Variants in SPIDR observed in about 807,000 individuals in gnomAD.
The protein encoded by SPIDR is DNA repair-scaffolding protein.
In SPIDR, 93 loss-of-function variants were observed where a neutral mutation model predicts 104.6. The ratio of observed to expected loss-of-function variants is 0.89; its 90% CI spans 0.75 to 1.06. The LOEUF (loss-of-function observed/expected upper bound fraction) is 1.06. Ranked by LOEUF, SPIDR falls within the 50% of genes least tolerant of loss-of-function variation. The pLI is 0.00. For synonymous variants in SPIDR, 431 were observed against 416.9 expected (o/e 1.03, Z -0.41); for missense variants, 1,154 against 1,111.2 (o/e 1.04, Z -0.55).
At chr8:47,313,690 G>C (rs965727523) in intron 5 of SPIDR, among the ~76,000 whole-genome samples, 1 of 152,198 alleles carries the variant, frequency 6.6e-6, no homozygotes, top group Non-Finnish European at 1.5e-5. Context: ...AACCAAAACT[G>C]CATGGTACTG....
In SPIDR at chr8:47,735,449, A is replaced by G; in HGVS notation, c.2747A>G (p.Ter916TrpextTer7). 1.9e-6 allele frequency: 3 copies of G among 1,614,140 alleles called. No individual in the cohort carries two copies. Among genetic ancestry groups the G allele is most frequent in the Non-Finnish European group, 2.5e-6 (3 of 1,180,028 alleles). Reference protein sequence around the residue: ...LSAGGASAEH* With the variant: ...LSAGGASAEHW ...GCAGGAGGGGCCTCTGCAGAACACTAGCGGTTGCCGCAGGATCTGTGAACT... is the reference window on the plus strand; with the variant it reads ...GCAGGAGGGGCCTCTGCAGAACACTGGCGGTTGCCGCAGGATCTGTGAACT... Residue 916 changes from the stop codon to tryptophan, a stop_lost, in exon 20 of 20, where the codon TAG becomes TGG. Coordinates refer to ENST00000297423, the MANE Select transcript of SPIDR (RefSeq NM_001080394.4).
chr8:47,672,693 A>C (rs909177496), intron 10 of SPIDR, among the ~76,000 whole-genome samples: 4 of 152,100 alleles, frequency 2.6e-5, no homozygotes, highest in African/African-American at 9.7e-5. Flanking sequence ...TATATTTTCT[A>C]TTCATTAATT....
chr8:47,373,410 G>T (rs1311763773), intron 5 of SPIDR, among the ~76,000 whole-genome samples: 1 of 152,106 alleles, frequency 6.6e-6, no homozygotes, highest in African/African-American at 2.4e-5. Flanking sequence ...GTGGTGTTTG[G>T]CAATTTGAGG....
chr8:47,468,564 T>C (rs1554719011), intron 8 of SPIDR, among the ~76,000 whole-genome samples: 1 of 152,132 alleles, frequency 6.6e-6, no homozygotes, highest in African/African-American at 2.4e-5. Flanking sequence ...CCTACAGTCA[T>C]CTGATCCTTG....
chr8:47,499,423 C>T (rs2079994421), intron 8 of SPIDR, among the ~76,000 whole-genome samples: 2 of 152,102 alleles, frequency 1.3e-5, no homozygotes, highest in South Asian at 2.1e-4. Context: ...GTCAAGCAGA[C>T]TTGAATCCCT....
intron 8 of SPIDR, among the ~76,000 whole-genome samples, chr8:47,525,732 C>T (rs937678074): frequency 1.3e-5 from 2 of 150,600 alleles, no homozygotes; most frequent in African/African-American, 4.9e-5. Context: ...GCCCAGAAGC[C>T]ACTGCACTCC....
chr8:47,728,899 GGGCCTTGT>G (rs757350373), intron 17 of SPIDR, 26 bp from the exon 18 acceptor site: 2 of 1,585,872 alleles, frequency 1.3e-6, no homozygotes, highest in Non-Finnish European at 1.7e-6. Context: ...GTGCCTCCCG[GGGCCTTGT>G]CTTTCCTTGG....
intron 5 of SPIDR, among the ~76,000 whole-genome samples, chr8:47,353,943 T>C (rs782455444): frequency 6.6e-6 from 1 of 152,258 alleles, no homozygotes; most frequent in East Asian, 1.9e-4. Flanking sequence ...ATTAATACTT[T>C]TGTTTTTTTC....
At chr8:47,279,781 A>G in intron 1 of SPIDR, 81 bp from the exon 2 acceptor site, 1 of 1,387,726 alleles carries the variant, frequency 7.2e-7, no homozygotes, top group Non-Finnish European at 9.9e-7. Flanking sequence ...TTCAGATTGT[A>G]AATTGTGAAC....
intron 6 of SPIDR, among the ~76,000 whole-genome samples, chr8:47,400,393 A>G (rs566706797): frequency 6.6e-6 from 1 of 152,342 alleles, no homozygotes; most frequent in South Asian, 2.1e-4. Context: ...AAATACTAAA[A>G]ATGAGATTGA....
chr8:47,485,820 C>A (rs1586521051), intron 8 of SPIDR, among the ~76,000 whole-genome samples: 1 of 152,226 alleles, frequency 6.6e-6, no homozygotes, highest in East Asian at 1.9e-4. Context: ...TAACAAACAG[C>A]AAGGACATCC....
intron 8 of SPIDR, among the ~76,000 whole-genome samples, chr8:47,567,222 TATA>T (rs2057971620): frequency 6.7e-6 from 1 of 148,944 alleles, no homozygotes; most frequent in African/African-American, 2.5e-5. Flanking sequence ...TATATATATA[TATA>T]TATTTTTTTT....
intron 8 of SPIDR, chr8:47,510,993 G>T: frequency 1.5e-6 from 1 of 687,116 alleles, no homozygotes; most frequent in Non-Finnish European, 2.7e-6. Flanking sequence ...CACTGGCTGT[G>T]AGAAACACAG....
chr8:47,549,878 C>T (rs1288201307), intron 8 of SPIDR, among the ~76,000 whole-genome samples: 1 of 152,108 alleles, frequency 6.6e-6, no homozygotes, highest in Non-Finnish European at 1.5e-5. Context: ...AGGTTTTCTT[C>T]TAGGGTTTTT....
intron 8 of SPIDR, among the ~76,000 whole-genome samples, chr8:47,593,692 C>T (rs535904468): frequency 5.4e-4 from 83 of 152,310 alleles, no homozygotes; most frequent in African/African-American, 1.8e-3. Flanking sequence ...TGGGTTGTTA[C>T]TGCCACGTGG....
chr8:47,289,213 G>A (rs1469588106), intron 3 of SPIDR, among the ~76,000 whole-genome samples: 11 of 152,082 alleles, frequency 7.2e-5, no homozygotes, highest in African/African-American at 2.4e-4. Flanking sequence ...GTCTCACTGT[G>A]TTGCCTAGGC....
chr8:47,443,874 C>G (rs2069997820), intron 8 of SPIDR, among the ~76,000 whole-genome samples: 2 of 151,950 alleles, frequency 1.3e-5, no homozygotes, highest in African/African-American at 4.8e-5. Flanking sequence ...TCAGAGCCCT[C>G]TGTAGATATT....
Position 47,712,751 on chromosome 8 carries a change from G to A in SPIDR, c.2067G>A (p.Arg689=). Residue 689 remains arginine (R), a synonymous_variant, in exon 15 of 20, where the codon AGG becomes AGA. Coordinates refer to ENST00000297423, the MANE Select transcript of SPIDR (RefSeq NM_001080394.4). The stretch of plus-strand genomic sequence containing the variant: ...AAACGAAGGAGGAGAGAGACCCCAG[G>A]CTCCCCAAAACCCTGCTGGTCTATG... The part of the protein sequence containing the change: ...TLQTKEERDP[R]LPKTLLVYVA... 1.2e-6 allele frequency: 2 copies of A among 1,614,152 alleles called. No individual in the cohort carries two copies. Among genetic ancestry groups the A allele is most frequent in the Non-Finnish European group, 1.7e-6 (2 of 1,180,036 alleles).
intron 8 of SPIDR, among the ~76,000 whole-genome samples, chr8:47,521,615 G>A (rs975807373): frequency 2.0e-5 from 3 of 151,142 alleles, no homozygotes; most frequent in Non-Finnish European, 2.9e-5. Context: ...GTAGAGATGG[G>A]GTTTCACCAT....
Sources: allele counts gnomAD v4.1 joint callset (sites outside exome capture counted in the v4.1 genomes callset), GRCh38; gene constraint gnomAD v4.1.1; transcripts MANE v1.5; gene names NCBI Gene and HGNC (gene_info 2026-07-23, HGNC 2026-07-21).